S1PR5: variants seen among roughly 807,000 people sequenced by gnomAD.
S1PR5 encodes sphingosine-1-phosphate receptor 5.
For synonymous variants in S1PR5, 307 were observed against 284.7 expected (o/e 1.08, Z -0.79); for missense variants, 583 against 571.7 (o/e 1.02, Z -0.20).
At position 10,512,925 on chromosome 19, in the gene S1PR5, A is replaced by AAAAAAAAGAAAG. The variant is rs1555742591; in HGVS notation, c.*889_*890insCTTTCTTTTTTT. 1 of 126,256 alleles carries AAAAAAAAGAAAG rather than the reference A, an allele frequency of 7.9e-6. No individual in the cohort carries two copies. 7.8% of individuals were successfully genotyped at this position (126,256 alleles called of 1,614,324 possible). ...ACAAGATCCCAACTCAAAAAAAAAAAAAAGAAAGAAAGAAAGAAAAGAAAA... is the reference window on the plus strand; with the variant it reads ...ACAAGATCCCAACTCAAAAAAAAAAAAAAAAAAGAAAGAAAGAAAGAAAGAAAGAAAAGAAAA... On this transcript the variant is annotated 3_prime_UTR_variant, in exon 2 of 2. Transcript: ENST00000333430.
In S1PR5 at chr19:10,514,975, C is replaced by T; in HGVS notation, c.37G>A (p.Glu13Lys). 2 of 1,582,242 alleles carry T rather than the reference C, an allele frequency of 1.3e-6. No individual in the cohort carries two copies. Among genetic ancestry groups the T allele is most frequent in the Non-Finnish European group, 1.7e-6 (2 of 1,167,488 alleles). The change falls in exon 2 of 2, where the codon GAG becomes AAG. Residue 13 changes from glutamate (E) to lysine (K), a missense_variant. By Grantham distance (56) the Glu-to-Lys change is moderately conservative. Transcript: ENST00000333430. ...TAGTTGTAATGCAGGACGATGACCT[C>T]GCTCACCGGCGCCGGCCGCAGCAGC... is the stretch of plus-strand genomic sequence containing the variant. ...SGLLRPAPVS[E>K]VIVLHYNYTG...
rs1469603556 is a variant in S1PR5 at position 10,513,308 on chromosome 19, T to C, written c.*507A>G. On this transcript the variant is annotated 3_prime_UTR_variant, in exon 2 of 2. Coordinates refer to ENST00000333430, the MANE Select transcript of S1PR5 (RefSeq NM_030760.5). ...CAGAGCAAAAGCGAAGTCCTCTATATCACCCACAAGGTCCTTCGGGAACTA... is the reference window on the plus strand; with the variant it reads ...CAGAGCAAAAGCGAAGTCCTCTATACCACCCACAAGGTCCTTCGGGAACTA... The C allele has an allele frequency of 3.1e-6, 1 of 319,472 alleles. No homozygotes were observed. The highest frequency in any genetic ancestry group is 4.7e-5 in the Admixed American group (1 of 21,196). 19.8% of individuals were successfully genotyped at this position (319,472 alleles called of 1,614,324 possible).
chr19:10,513,513 A>T lies in S1PR5; in HGVS notation c.*302T>A. 1.8e-6 allele frequency: 1 copy of T among 558,824 alleles called. No homozygotes were observed. The highest frequency in any genetic ancestry group is 3.1e-6 in the Non-Finnish European group (1 of 320,652). 34.6% of individuals were successfully genotyped at this position (558,824 alleles called of 1,614,324 possible). The stretch of plus-strand genomic sequence containing the variant: ...TCCCAGGACAGAGGTCTCAGCTCAC[A>T]TCACAAGTCACTACCTCTGCAGAGA... On this transcript the variant is annotated 3_prime_UTR_variant, in exon 2 of 2. Coordinates refer to ENST00000333430, the MANE Select transcript of S1PR5 (RefSeq NM_030760.5).
chr19:10,517,442 C>G lies in S1PR5; in HGVS notation c.-63G>C. On this transcript the variant is annotated 5_prime_UTR_variant, in exon 1 of 2. Coordinates refer to ENST00000333430, the MANE Select transcript of S1PR5 (RefSeq NM_030760.5). Reference sequence around the variant, plus strand: ...CCACCCGCAGTCGCGCTGCCTTGAACCGAGTGAGCGGACGCCGCTCCGGGG... The same window carrying G: ...CCACCCGCAGTCGCGCTGCCTTGAAGCGAGTGAGCGGACGCCGCTCCGGGG... 1 of 985,672 alleles carries G rather than the reference C, an allele frequency of 1.0e-6. No individual in the cohort carries two copies. The highest frequency in any genetic ancestry group is 1.2e-6 in the Non-Finnish European group (1 of 830,110). The allele number at this position is 985,672 out of a possible 1,614,324, so 61.1% of individuals were successfully genotyped here. A position where few individuals can be genotyped will look rare whatever the true frequency, so the allele number is the denominator to read the frequency against.
chr19:10,514,351 CGCGTA>C lies in S1PR5; in HGVS notation c.656_660del (p.Val219GlyfsTer123). The C allele has an allele frequency of 3.2e-6, 5 of 1,570,936 alleles. No individual in the cohort carries two copies. Among genetic ancestry groups the C allele is most frequent in the Non-Finnish European group, 4.3e-6 (5 of 1,160,174 alleles). On this transcript the variant is annotated frameshift_variant, in exon 2 of 2. Transcript: ENST00000333430. LOFTEE classifies it low-confidence loss of function (END_TRUNC). Reference sequence around the variant, plus strand: ...CGTGCCGGCAGGCGCCGCGCGTTGGCGCGTACCTGGCAGTAGATGCGCGCGTAGAG... The same window carrying C: ...CGTGCCGGCAGGCGCCGCGCGTTGGCCCTGGCAGTAGATGCGCGCGTAGAG...
In S1PR5 at chr19:10,514,148, G is replaced by A; in HGVS notation, c.864C>T (p.Ala288=). Residue 288 remains alanine, a synonymous_variant, in exon 2 of 2, where the codon GCC becomes GCT. Transcript: ENST00000333430. ...CCATGGCCAGTCCCAGGAAGGGATC[G>A]GCCTGCAGGAGTACAGGACAGGTGC... is the stretch of plus-strand genomic sequence containing the variant. ...PARTCPVLLQ[A]DPFLGLAMAN... is the part of the protein sequence containing the mutation. The A allele has an allele frequency of 6.2e-7, 1 of 1,612,900 alleles. No homozygotes were observed. The highest frequency in any genetic ancestry group is 8.5e-7 in the Non-Finnish European group (1 of 1,179,830).
At position 10,513,977 on chromosome 19, in the gene S1PR5, G is replaced by A; in HGVS notation, c.1035C>T (p.Ser345=). Residue 345 remains serine, a synonymous_variant, in exon 2 of 2, where the codon TCC becomes TCT. Coordinates refer to ENST00000333430, the MANE Select transcript of S1PR5 (RefSeq NM_030760.5). ...GGGGCAGGCAGCGGCGCAGGCCCCC[G>A]GAAGCCTCAGCCGCGCTCGCCGACT... ...SQQSASAAEA[S]GGLRRCLPPG... is the part of the protein sequence containing the mutation. 1.2e-6 allele frequency: 2 copies of A among 1,600,224 alleles called. No homozygotes were observed. Among genetic ancestry groups the A allele is most frequent in the Non-Finnish European group, 1.7e-6 (2 of 1,174,660 alleles).
chr19:10,515,195 T>A (rs1300242469), intron 1 of S1PR5, among the ~76,000 whole-genome samples, 166 bp from the exon 2 acceptor site: 1 of 152,034 alleles, frequency 6.6e-6, no homozygotes, highest in Non-Finnish European at 1.5e-5. Context: ...GAGACAGACA[T>A]ACACACAAAT....
chr19:10,513,889 T>A lies in S1PR5; in HGVS notation c.1123A>T (p.Thr375Ser). The A allele has an allele frequency of 6.2e-7, 1 of 1,610,980 alleles. No individual in the cohort carries two copies. The highest frequency in any genetic ancestry group is 8.5e-7 in the Non-Finnish European group (1 of 1,179,436). ...CCGGGGCTGCCTGTGGAGCCGCTGG[T>A]GTCCAGCCCGTCGCGCTGGGGCGAT... is the stretch of plus-strand genomic sequence containing the variant. ...RSSPQRDGLD[T>S]SGSTGSPGAP... The change falls in exon 2 of 2, where the codon ACC (threonine) becomes TCC (serine). Residue 375 changes from threonine (T) to serine (S), a missense_variant. Transcript: ENST00000333430.
At chr19:10,517,780 T>A (rs952133509), upstream of S1PR5, 1 of 828,376 alleles carries the variant, frequency 1.2e-6, no homozygotes, top group Non-Finnish European at 1.5e-6. Context: ...GGGTCTCCTC[T>A]GTCCTGGGTG....
upstream of S1PR5, chr19:10,517,491 G>A: frequency 2.0e-6 from 2 of 985,630 alleles, no homozygotes; most frequent in African/African-American, 1.7e-5. Flanking sequence ...TGGCAGGCGA[G>A]GGGGCGGGCC....
At chr19:10,515,115 T>G in intron 1 of S1PR5, 86 bp from the exon 2 acceptor site, 1 of 1,486,830 alleles carries the variant, frequency 6.7e-7, no homozygotes, top group Non-Finnish European at 8.9e-7. Flanking sequence ...AAAGGGGCCC[T>G]ACCCACTGAC....
intron 1 of S1PR5, among the ~76,000 whole-genome samples, chr19:10,515,252 T>G (rs928266932): frequency 3.9e-5 from 6 of 151,958 alleles, no homozygotes; most frequent in African/African-American, 1.4e-4. Flanking sequence ...AAAGGGACAT[T>G]AATAACACAT....
intron 1 of S1PR5, among the ~76,000 whole-genome samples, chr19:10,515,493 G>A (rs1915417287): frequency 6.6e-6 from 1 of 152,082 alleles, no homozygotes; most frequent in South Asian, 2.1e-4. Context: ...CGTGCCTGTA[G>A]TCCCAGCTAC....
rs1396897197 is a variant in S1PR5 at position 10,513,814 on chromosome 19, G to A, written c.*1C>T. On this transcript the variant is annotated 3_prime_UTR_variant, in exon 2 of 2. Transcript: ENST00000333430. ...GGGAAGACAGTCGTGGGCCGAGGGT[G>A]TCAGTCTGCAGCCGGTTCTGATACC... 1.9e-6 allele frequency: 3 copies of A among 1,612,470 alleles called. No homozygotes were observed. Among genetic ancestry groups the A allele is most frequent in the Non-Finnish European group, 2.5e-6 (3 of 1,179,680 alleles).
chr19:10,514,372 G>A lies in S1PR5; in HGVS notation c.640C>T (p.Arg214Cys). ...ILAAICALYA[R>C]IYCQVRANAR... ...TTGGCGCGTACCTGGCAGTAGATGCGCGCGTAGAGTGCACAGATAGCGGCC... is the reference window on the plus strand; with the variant it reads ...TTGGCGCGTACCTGGCAGTAGATGCACGCGTAGAGTGCACAGATAGCGGCC... The change falls in exon 2 of 2, where the codon CGC becomes TGC. Residue 214 changes from arginine to cysteine, a missense_variant. Transcript: ENST00000333430. 1 of 1,591,698 alleles carries A rather than the reference G, an allele frequency of 6.3e-7. No homozygotes were observed. The highest frequency in any genetic ancestry group is 8.5e-7 in the Non-Finnish European group (1 of 1,170,584).
chr19:10,515,491 T>C (rs2144653999), intron 1 of S1PR5, among the ~76,000 whole-genome samples: 1 of 152,220 alleles, frequency 6.6e-6, no homozygotes, highest in South Asian at 2.1e-4. Flanking sequence ...CACGTGCCTG[T>C]AGTCCCAGCT....
In S1PR5 at chr19:10,513,948, C is replaced by T. The variant is rs1395452332; in HGVS notation, c.1064G>A (p.Gly355Asp). The T allele has an allele frequency of 6.2e-7, 1 of 1,601,682 alleles. No homozygotes were observed. Among genetic ancestry groups the T allele is most frequent in the Non-Finnish European group, 8.5e-7 (1 of 1,175,178 alleles). ...CGAGCCGCTGAAGCTCCCATCAAGG[C>T]CCGGGGGCAGGCAGCGGCGCAGGCC... Reference protein sequence around the residue: ...SGGLRRCLPPGLDGSFSGSER... With the variant: ...SGGLRRCLPPDLDGSFSGSER... Residue 355 changes from glycine (G) to aspartate (D), a missense_variant, in exon 2 of 2, where the codon GGC becomes GAC. Coordinates refer to ENST00000333430, the MANE Select transcript of S1PR5 (RefSeq NM_030760.5).
chr19:10,514,058 C>A lies in S1PR5; in HGVS notation c.954G>T (p.Leu318=). 6.2e-7 allele frequency: 1 copy of A among 1,612,342 alleles called. No individual in the cohort carries two copies. The highest frequency in any genetic ancestry group is 1.1e-5 in the South Asian group (1 of 91,076). ...LTNRDLRHAL[L]RLVCCGRHSC... ...AGTGGCGTCCGCAGCAGACCAGGCG[C>A]AGGAGCGCGTGGCGCAGGTCGCGGT... Residue 318 remains leucine (L), a synonymous_variant, in exon 2 of 2, where the codon CTG becomes CTT. Transcript: ENST00000333430.
Sources: allele counts gnomAD v4.1 joint callset (sites outside exome capture counted in the v4.1 genomes callset), GRCh38; gene constraint gnomAD v4.1.1; transcripts MANE v1.5; gene names NCBI Gene and HGNC (gene_info 2026-07-23, HGNC 2026-07-21).